ASPH: variants seen among roughly 807,000 people sequenced by gnomAD.
The protein encoded by ASPH is aspartyl/asparaginyl beta-hydroxylase.
A neutral mutation model predicts 118.4 loss-of-function variants in ASPH; 100 were observed. That is an observed-to-expected ratio of 0.84 (90% CI 0.72 to 1.00). The LOEUF (loss-of-function observed/expected upper bound fraction) is 1.00. Ranked by LOEUF, ASPH falls within the 50% of genes least tolerant of loss-of-function variation. The probability of loss-of-function intolerance (pLI) is 0.00; values close to 1 mark genes in which losing one functional copy is unlikely to be tolerated. For synonymous variants in ASPH, 315 were observed against 325.6 expected (o/e 0.97, Z 0.35); for missense variants, 920 against 919.5 (o/e 1.00, Z -0.01).
intron 4 of ASPH, among the ~76,000 whole-genome samples, chr8:61,651,829 T>C (rs1021820668): frequency 5.9e-5 from 9 of 152,210 alleles, no homozygotes; most frequent in Admixed American, 2.0e-4. Flanking sequence ...AACTGCAACA[T>C]CACACAATGA....
chr8:61,548,092 C>T lies in ASPH; in HGVS notation c.1743G>A (p.Thr581=), dbSNP rs201616867. 9.9e-6 allele frequency: 16 copies of T among 1,613,488 alleles called. No individual in the cohort carries two copies. Among genetic ancestry groups the T allele is most frequent in the Middle Eastern group, 1.6e-4 (1 of 6,082 alleles). Residue 581 remains threonine (T), a synonymous_variant, in exon 21 of 25, where the codon ACG becomes ACA. Coordinates refer to ENST00000379454, the MANE Select transcript of ASPH (RefSeq NM_004318.4). The part of the protein sequence containing the change: ...KAQPWWTPKE[T]GYTELVKSLE... ...TTACCTTTACTAACTCTGTGTAGCC[C>T]GTTTCTTTTGGGGTCCACCAAGGCT...
chr8:61,512,648 G>A (rs1387421127), intron 24 of ASPH, among the ~76,000 whole-genome samples: 1 of 152,154 alleles, frequency 6.6e-6, no homozygotes, highest in African/African-American at 2.4e-5. Context: ...GTCAGCCTCA[G>A]GCAAGTTACT....
rs896152474 is a variant in ASPH at position 61,502,024 on chromosome 8, G to C, written c.*1335C>G. The C allele has an allele frequency of 6.6e-6, 1 of 152,100 alleles. No individual in the cohort carries two copies. The highest frequency in any genetic ancestry group is 1.5e-5 in the Non-Finnish European group (1 of 68,010). 9.4% of individuals were successfully genotyped at this position (152,100 alleles called of 1,614,324 possible). A position where few individuals can be genotyped will look rare whatever the true frequency, so the allele number is the denominator to read the frequency against. On this transcript the variant is annotated 3_prime_UTR_variant, in exon 25 of 25. Coordinates refer to ENST00000379454, the MANE Select transcript of ASPH (RefSeq NM_004318.4). ...TTCTTATATCTAACATTCCTAGTTA[G>C]CTTTGATTCAAAATATACAAAATCT...
intron 20 of ASPH, among the ~76,000 whole-genome samples, chr8:61,549,007 C>G (rs1011815179): frequency 2.6e-5 from 4 of 152,112 alleles, no homozygotes; most frequent in Admixed American, 2.6e-4. Flanking sequence ...ACTTCCTGCA[C>G]CATGCATGTT....
At chr8:61,577,417 A>AAAAAAAAAAAAAAAG (rs1835654166) in intron 15 of ASPH, among the ~76,000 whole-genome samples, 1 of 149,484 alleles carries the variant, frequency 6.7e-6, no homozygotes, top group Non-Finnish European at 1.5e-5. Flanking sequence ...AAAAAAAAAA[A>AAAAAAAAAAAAAAAG]AAAAAAGACA....
At chr8:61,692,945 AG>A (rs143771807) in intron 1 of ASPH, among the ~76,000 whole-genome samples, 26,908 of 112,322 alleles carry the variant, frequency 0.24, 2,498 homozygotes, top group South Asian at 0.4. Flanking sequence ...ACCCACCAGA[AG>A]GAAAAAAAAA....
chr8:61,632,566 C>T (rs1258434136), intron 13 of ASPH: 41 of 342,704 alleles, frequency 1.2e-4, no homozygotes, highest in South Asian at 9.6e-4. Flanking sequence ...CAAATACACA[C>T]TGCCTAGTAG....
chr8:61,616,983 AGG>A (rs1213577399), intron 14 of ASPH, among the ~76,000 whole-genome samples: 1 of 152,116 alleles, frequency 6.6e-6, no homozygotes, highest in Admixed American at 6.5e-5. Context: ...GTGTGTTTTG[AGG>A]GGGAAAGATC....
At chr8:61,628,851 A>G (rs1199855589) in intron 13 of ASPH, among the ~76,000 whole-genome samples, 1 of 152,240 alleles carries the variant, frequency 6.6e-6, no homozygotes, top group Non-Finnish European at 1.5e-5. Flanking sequence ...TGGCCAGCAC[A>G]GAGCCTATAC....
At chr8:61,538,157 G>C (rs1370361898) in intron 21 of ASPH, among the ~76,000 whole-genome samples, 1 of 152,156 alleles carries the variant, frequency 6.6e-6, no homozygotes, top group Non-Finnish European at 1.5e-5. Context: ...CAAAAAAACA[G>C]GCTCAGATGG....
At chr8:61,683,905 G>T in intron 2 of ASPH, 134 bp downstream of exon 2, 2 of 1,024,332 alleles carry the variant, frequency 2.0e-6, no homozygotes, top group Non-Finnish European at 2.8e-6. Context: ...TCCCCTTTCA[G>T]CCTCACTCTA....
intron 5 of ASPH, among the ~76,000 whole-genome samples, chr8:61,650,715 G>A (rs1344890709): frequency 6.6e-6 from 1 of 152,106 alleles, no homozygotes; most frequent in Non-Finnish European, 1.5e-5. Context: ...ACAACACCTG[G>A]ATGAACCCGA....
intron 21 of ASPH, among the ~76,000 whole-genome samples, chr8:61,526,858 G>A (rs1278256136): frequency 6.6e-6 from 1 of 152,114 alleles, no homozygotes; most frequent in Non-Finnish European, 1.5e-5. Context: ...GGGGACAGTA[G>A]GGTGGGTAGG....
At chr8:61,640,489 C>T (rs917770258) in intron 10 of ASPH, among the ~76,000 whole-genome samples, 12 of 152,210 alleles carry the variant, frequency 7.9e-5, no homozygotes, top group Non-Finnish European at 1.3e-4. Context: ...TTTCTCCTTG[C>T]CTTGTCAATT....
rs746793332 is a variant in ASPH, at chr8:61,518,049, C to T, written c.1975G>A (p.Gly659Arg). Residue 659 changes from glycine to arginine, a missense_variant, in exon 23 of 25, where the codon GGA becomes AGA. Coordinates refer to ENST00000379454, the MANE Select transcript of ASPH (RefSeq NM_004318.4). ...TLLEKFPETT[G>R]CRRGQIKYSI... is the part of the protein sequence containing the mutation. ...CTTGGTACCTGTCCTCTTCTGCATCCTGTTGTCTCGGGGAACTTTTCTAGT... is the reference window on the plus strand; with the variant it reads ...CTTGGTACCTGTCCTCTTCTGCATCTTGTTGTCTCGGGGAACTTTTCTAGT... 1.9e-6 allele frequency: 3 copies of T among 1,613,732 alleles called. No individual in the cohort carries two copies. Among genetic ancestry groups the T allele is most frequent in the Non-Finnish European group, 2.5e-6 (3 of 1,179,670 alleles).
intron 15 of ASPH, chr8:61,579,036 C>A: frequency 6.2e-7 from 1 of 1,610,688 alleles, no homozygotes; most frequent in African/African-American, 1.3e-5. Context: ...TATTGCCAAC[C>A]AAAGACGGGC....
chr8:61,572,009 G>A (rs181697227), intron 16 of ASPH, among the ~76,000 whole-genome samples: 5 of 152,264 alleles, frequency 3.3e-5, no homozygotes, highest in Non-Finnish European at 2.9e-5. Context: ...CCATGGACAA[G>A]AGGAATTTAT....
chr8:61,652,934 A>C (rs889086657), intron 4 of ASPH, among the ~76,000 whole-genome samples: 2 of 152,248 alleles, frequency 1.3e-5, no homozygotes, highest in Non-Finnish European at 2.9e-5. Flanking sequence ...TTTTCAGTAA[A>C]TATGTAGTGT....
intron 15 of ASPH, among the ~76,000 whole-genome samples, chr8:61,580,474 T>C (rs548811457): frequency 1.5e-4 from 23 of 152,252 alleles, no homozygotes; most frequent in Non-Finnish European, 3.1e-4. Flanking sequence ...GAAATCTGTG[T>C]TACTCTTCGA....
Sources: gnomAD v4.1 joint callset for allele counts (sites outside exome capture counted in the v4.1 genomes callset) on GRCh38, gnomAD v4.1.1 for gene constraint, MANE v1.5 for transcripts, NCBI Gene and HGNC (gene_info 2026-07-23, HGNC 2026-07-21) for gene names.